The following TTN variants were observed in gnomAD, a reference collection of about 807,000 sequenced individuals.
TTN encodes the protein connectin.
A neutral mutation model predicts 3,223.0 loss-of-function variants in TTN; 1,525 were observed. That is an observed-to-expected ratio of 0.47 (90% CI 0.45 to 0.49). TTN has a LOEUF of 0.49. Among genes scored for constraint, TTN ranks in the 20% least tolerant of loss-of-function variants. The pLI, the probability that TTN is intolerant of heterozygous loss-of-function variation, is 0.00. For synonymous variants in TTN, 14,094 were observed against 15,161.0 expected (o/e 0.93, Z 5.17); for missense variants, 40,786 against 43,424.0 (o/e 0.94, Z 5.40).
rs1577563976 is a variant in TTN at position 178,696,273 on chromosome 2, A to T, written c.30803-4T>A. On this transcript the variant is annotated splice_polypyrimidine_tract_variant and splice_region_variant and intron_variant, in intron 113 of 362. Transcript: ENST00000589042. ...GATACATCAATGATTTCAGGAGCTA[A>T]AATAGATAAAGATACTATTAGCATA... The T allele has an allele frequency of 6.6e-7, 1 of 1,520,374 alleles. No homozygotes were observed. 94.2% of individuals were successfully genotyped at this position (1,520,374 alleles called of 1,614,324 possible). A position where few individuals can be genotyped will look rare whatever the true frequency, so the allele number is the denominator to read the frequency against.
chr2:178,688,306 A>C, intron 126 of TTN, 82 bp from the exon 127 acceptor site: 3 of 1,233,208 alleles, frequency 2.4e-6, no homozygotes, highest in Non-Finnish European at 3.6e-6. Flanking sequence ...ACAGATGGAT[A>C]ACTGTTCTTC....
intron 100 of TTN, 29 bp downstream of exon 100, chr2:178,707,497 G>A (rs2076058047): frequency 1.9e-6 from 3 of 1,573,528 alleles, no homozygotes; most frequent in African/African-American, 2.7e-5. Context: ...GCTGGCTTGA[G>A]CTGCATAATA....
intron 47 of TTN, chr2:178,748,661 T>C (rs1407386430): frequency 6.2e-7 from 1 of 1,612,976 alleles, no homozygotes; most frequent in Non-Finnish European, 8.5e-7. Flanking sequence ...TATTTGAGTG[T>C]GAAACTGCTT....
Position 178,771,354 on chromosome 2 carries a change from T to A in TTN, c.7973A>T (p.His2658Leu). Residue 2658 changes from histidine to leucine, a missense_variant, in exon 34 of 363, where the codon CAC (histidine) becomes CTC (leucine). Coordinates refer to ENST00000589042, the MANE Select transcript of TTN (RefSeq NM_001267550.2). ...SKGEWLRDGK[H>L]LPLTNNIRSE... ...TCTGATGTTGTTAGTCAGTGGTAGGTGTTTGCCATCCCTCAACCATTCGCC... is the reference window on the plus strand; with the variant it reads ...TCTGATGTTGTTAGTCAGTGGTAGGAGTTTGCCATCCCTCAACCATTCGCC... The A allele has an allele frequency of 6.2e-7, 1 of 1,614,116 alleles. No homozygotes were observed. Among genetic ancestry groups the A allele is most frequent in the South Asian group, 1.1e-5 (1 of 91,082 alleles).
chr2:178,600,706 G>T, intron 288 of TTN, 148 bp downstream of exon 288: 1 of 886,336 alleles, frequency 1.1e-6, no homozygotes, highest in East Asian at 2.6e-5. Context: ...TTGAAGGAAT[G>T]AGTAATTAAG....
rs1245390036 is a variant in TTN at position 178,667,362 on chromosome 2, C to T, written c.35714-43G>A. 4.5e-6 allele frequency: 7 copies of T among 1,571,202 alleles called. No homozygotes were observed. In the African/African-American group the frequency reaches 5.4e-5, roughly 12 times the overall value. ...GGTTTACATTTAAAAGTTGTAAAAACAGTAAATTATAAAAAGCATGCAATG... is the reference window on the plus strand; with the variant it reads ...GGTTTACATTTAAAAGTTGTAAAAATAGTAAATTATAAAAAGCATGCAATG... On this transcript the variant is annotated intron_variant, in intron 161 of 362. Transcript: ENST00000589042.
At chr2:178,665,228 T>C in intron 165 of TTN, 149 bp downstream of exon 165, 1 of 814,278 alleles carries the variant, frequency 1.2e-6, no homozygotes, top group Non-Finnish European at 1.9e-6. Flanking sequence ...AATTTCTTTT[T>C]AGAGGAAACT....
In TTN at chr2:178,720,328, T is replaced by C; in HGVS notation, c.23377+57A>G. On this transcript the variant is annotated intron_variant, in intron 80 of 362. Transcript: ENST00000589042. ...GAATCATGGCCACACAAGTTATTAGTTAGGCAAGAACAGATAGGAGGAAGG... is the reference window on the plus strand; with the variant it reads ...GAATCATGGCCACACAAGTTATTAGCTAGGCAAGAACAGATAGGAGGAAGG... The C allele has an allele frequency of 1.9e-6, 3 of 1,591,248 alleles. No individual in the cohort carries two copies. In the South Asian group the frequency reaches 3.5e-5, roughly 18 times the overall value.
At position 178,642,184 on chromosome 2, in the gene TTN, G is replaced by A. The variant is rs141920886; in HGVS notation, c.40558+53C>T. ...ACAGAAACATTTTGTAAGCTTTCAA[G>A]TTCATTTTTAAAATATACTTAACGC... On this transcript the variant is annotated intron_variant, in intron 219 of 362. Transcript: ENST00000589042. 954 of 1,437,134 alleles carry A rather than the reference G, an allele frequency of 6.6e-4. 1 individual carries two copies. Among genetic ancestry groups the A allele is most frequent in the Middle Eastern group, 1.9e-3 (11 of 5,668 alleles). 89.0% of individuals were successfully genotyped at this position (1,437,134 alleles called of 1,614,324 possible). A position where few individuals can be genotyped will look rare whatever the true frequency, so the allele number is the denominator to read the frequency against.
At chr2:178,717,055 A>C in intron 88 of TTN, 40 bp downstream of exon 88, 1 of 1,565,010 alleles carries the variant, frequency 6.4e-7, no homozygotes, top group Non-Finnish European at 8.7e-7. Flanking sequence ...AAGATACTGA[A>C]AATGTAAAAG....
chr2:178,764,601 T>C lies in TTN; in HGVS notation c.9914A>G (p.Asp3305Gly). The change falls in exon 42 of 363, where the codon GAT becomes GGT. Residue 3305 changes from aspartate (D) to glycine (G), a missense_variant. By Grantham distance (94) the Asp-to-Gly change is moderately conservative (BLOSUM62 -1). Transcript: ENST00000589042. ...GGCTTCACAGGTATAGACTGCCGCA[T>C]CCTCTGGGAAGGCTTCAATTAGCAA... ...TLLLIEAFPEDAAVYTCEAKN... is the reference protein window; with the variant it reads ...TLLLIEAFPEGAAVYTCEAKN... The C allele has an allele frequency of 1.2e-6, 2 of 1,614,128 alleles. No individual in the cohort carries two copies. Among genetic ancestry groups the C allele is most frequent in the Non-Finnish European group, 1.7e-6 (2 of 1,179,998 alleles).
chr2:178,625,823 T>C (rs2058958342), intron 240 of TTN, among the ~76,000 whole-genome samples: 1 of 151,902 alleles, frequency 6.6e-6, no homozygotes, highest in South Asian at 2.1e-4. Context: ...ATTAAGAAAA[T>C]GTGGCACATA....
intron 58 of TTN, 23 bp from the exon 59 acceptor site, chr2:178,731,606 A>G: frequency 2.5e-6 from 4 of 1,579,310 alleles, no homozygotes; most frequent in Non-Finnish European, 3.4e-6. Context: ...TGAATTCTCA[A>G]TCAATATTAT....
Position 178,605,219 on chromosome 2 carries a change from G to A in TTN, c.53958C>T (p.Ile17986=), listed in dbSNP as rs192319879. The stretch of plus-strand genomic sequence containing the variant: ...TTGGAAGGCCTGTCACATCTGCAGG[G>A]ATGTGGACAGGCTCTCCTGCCTTAA... ...IKVKAGEPVH[I]PADVTGLPMP... is the part of the protein sequence containing the mutation. Residue 17986 remains isoleucine (I), a synonymous_variant, in exon 280 of 363, where the codon ATC becomes ATT. Transcript: ENST00000589042. 1.9e-5 allele frequency: 31 copies of A among 1,611,738 alleles called. No individual in the cohort carries two copies. In the African/African-American group the frequency reaches 3.6e-4, roughly 19 times the overall value.
chr2:178,619,765 C>A lies in TTN; in HGVS notation c.46552G>T (p.Val15518Phe). ...VEVQWLRNNMVVVQGDKHQMM... is the reference protein window; with the variant it reads ...VEVQWLRNNMFVVQGDKHQMM... ...TGGTGTTTATCACCCTGGACAACAA[C>A]CATGTTATTTCTTAGCCATTGGACT... is the stretch of plus-strand genomic sequence containing the variant. Residue 15518 changes from valine (V) to phenylalanine (F), a missense_variant, in exon 250 of 363, where the codon GTT becomes TTT. By Grantham distance (50) the Val-to-Phe change is conservative. Coordinates refer to ENST00000589042, the MANE Select transcript of TTN (RefSeq NM_001267550.2). The A allele has an allele frequency of 6.2e-7, 1 of 1,612,350 alleles. No homozygotes were observed. Among genetic ancestry groups the A allele is most frequent in the Non-Finnish European group, 8.5e-7 (1 of 1,178,888 alleles).
Position 178,740,432 on chromosome 2 carries a change from T to A in TTN, c.12801A>T (p.Leu4267Phe), listed in dbSNP as rs750553032. Residue 4267 changes from leucine to phenylalanine, a missense_variant, in exon 48 of 363, where the codon TTA becomes TTT. Transcript: ENST00000589042. Reference protein sequence around the residue: ...AQSALILSQSLAEGHVESLQS... With the variant: ...AQSALILSQSFAEGHVESLQS... ...GGAGACTCTCCACGTGTCCCTCAGC[T>A]AAGCTCTGACTCAAGATGAGCGCAC... 26 of 1,613,316 alleles carry A rather than the reference T, an allele frequency of 1.6e-5. No individual in the cohort carries two copies. In the Admixed American group the frequency reaches 4.2e-4, roughly 26 times the overall value.
intron 47 of TTN, chr2:178,747,252 T>C: frequency 3.7e-6 from 6 of 1,613,054 alleles, no homozygotes; most frequent in Non-Finnish European, 5.1e-6. Flanking sequence ...GTGGAGTATC[T>C]TTCTCCTACC....
In TTN at chr2:178,667,717, A is replaced by G. The variant is rs1485381460; in HGVS notation, c.35550T>C (p.Tyr11850=). Residue 11850 remains tyrosine, a synonymous_variant, in exon 160 of 363, where the codon TAT becomes TAC. Transcript: ENST00000589042. The part of the protein sequence containing the change: ...VISEDTEMYI[Y]EASEEAVLEE... ...CTAGGACTGCTTCTTCAGATGCTTCATAAACTTTAAAGATATTAGTATTTA... is the reference window on the plus strand; with the variant it reads ...CTAGGACTGCTTCTTCAGATGCTTCGTAAACTTTAAAGATATTAGTATTTA... 1.9e-6 allele frequency: 3 copies of G among 1,584,628 alleles called. No individual in the cohort carries two copies. Among genetic ancestry groups the G allele is most frequent in the South Asian group, 2.2e-5 (2 of 89,332 alleles).
intron 47 of TTN, chr2:178,748,435 T>C (rs780740553): frequency 8.1e-6 from 13 of 1,613,080 alleles, no homozygotes; most frequent in Non-Finnish European, 1.1e-5. Context: ...TGTCAGGTTG[T>C]AACGTTTCAG....
Sources: allele counts gnomAD v4.1 joint callset (sites outside exome capture counted in the v4.1 genomes callset), GRCh38; gene constraint gnomAD v4.1.1; transcripts MANE v1.5; gene names NCBI Gene and HGNC (gene_info 2026-07-23, HGNC 2026-07-21).